HDAC9: variants seen among roughly 807,000 people sequenced by gnomAD.
The protein encoded by HDAC9 is histone deacetylase 9.
Under a neutral mutation model 139.4 loss-of-function variants are expected in HDAC9, and 41 were observed. The ratio of observed to expected loss-of-function variants is 0.29; its 90% confidence interval spans 0.23 to 0.38. The LOEUF (loss-of-function observed/expected upper bound fraction) is 0.38, where lower values mean the gene tolerates loss of function less well. HDAC9 is among the 10% of genes least tolerant of loss of function. The pLI, the probability that HDAC9 is intolerant of heterozygous loss-of-function variation, is 1.00. For missense variants in HDAC9, 1,147 were observed against 1,297.0 expected, an observed-to-expected ratio of 0.88 and a Z score of 1.78; for synonymous variants, 517 against 476.2, an observed-to-expected ratio of 1.09 and a Z score of -1.12.
chr7:18,645,386 G>A (rs1280892926), intron 9 of HDAC9, among the ~76,000 whole-genome samples: 1 of 152,134 alleles, frequency 6.6e-6, no homozygotes, highest in Non-Finnish European at 1.5e-5. Flanking sequence ...GAATCAATTA[G>A]TTTAAAAGTC....
rs951815621 is a variant in HDAC9 at position 18,190,742 on chromosome 7, G to A, written c.25+28393G>A. Reference sequence around the variant, plus strand: ...TTTTCCCAATTTTCACTCTTATTAAGTAAAATTACTCAGCTTTTAAAATCA... The same window carrying A: ...TTTTCCCAATTTTCACTCTTATTAAATAAAATTACTCAGCTTTTAAAATCA... On this transcript the variant is annotated intron_variant, in intron 2 of 12. Transcript: ENST00000417496. Among the ~76,000 whole-genome samples, 8 of 151,992 alleles carry A rather than the reference G, an allele frequency of 5.3e-5. No individual in the cohort carries two copies. In the South Asian group the frequency reaches 1.7e-3, roughly 32 times the overall value.
intron 13 of HDAC9, among the ~76,000 whole-genome samples, chr7:18,735,796 T>C (rs1344961473): frequency 1.3e-5 from 2 of 152,238 alleles, no homozygotes; most frequent in African/African-American, 4.8e-5. Flanking sequence ...TTGATGGGGA[T>C]AGCATTGAAT....
intron 17 of HDAC9, among the ~76,000 whole-genome samples, chr7:18,828,249 A>G (rs1795599906): frequency 6.6e-6 from 1 of 152,214 alleles, no homozygotes; most frequent in African/African-American, 2.4e-5. Context: ...AGGATTGTGT[A>G]TAAAACAGCA....
chr7:18,412,529 T>C (rs1483002158), intron 1 of HDAC9, among the ~76,000 whole-genome samples: 1 of 152,134 alleles, frequency 6.6e-6, no homozygotes, highest in African/African-American at 2.4e-5. Flanking sequence ...TTTAGTGCCA[T>C]AGGAATCCTA....
At chr7:18,688,987 T>C (rs1782477792) in intron 12 of HDAC9, among the ~76,000 whole-genome samples, 1 of 152,044 alleles carries the variant, frequency 6.6e-6, no homozygotes, top group Non-Finnish European at 1.5e-5. Flanking sequence ...AATTATAGTC[T>C]ACTTTAAAAG....
chr7:18,666,615 TCTAC>T lies in HDAC9; in HGVS notation c.1731+143_1731+146del, dbSNP rs1674326107. 3.4e-6 allele frequency: 5 copies of T among 1,470,262 alleles called. No individual in the cohort carries two copies. The Admixed American group carries it at 1.2e-4, about 36-fold the overall frequency. The allele number at this position is 1,470,262 out of a possible 1,614,324, so 91.1% of individuals were successfully genotyped here. A position where few individuals can be genotyped will look rare whatever the true frequency, so the allele number is the denominator to read the frequency against. On this transcript the variant is annotated intron_variant, in intron 12 of 25. Transcript: ENST00000686413. ...TGATTTGAGTTCAGTGTTTAAGGAT[TCTAC>T]CTAATGCAGATATATGTATATATCT...
intron 2 of HDAC9, among the ~76,000 whole-genome samples, chr7:18,204,331 C>T (rs1296691093): frequency 1.5e-5 from 2 of 134,680 alleles, no homozygotes; most frequent in African/African-American, 2.7e-5. Flanking sequence ...TTTGAATCTG[C>T]CTTTTTTTTT....
intron 2 of HDAC9, among the ~76,000 whole-genome samples, chr7:18,181,334 T>A (rs1789412637): frequency 6.6e-6 from 1 of 152,190 alleles, no homozygotes; most frequent in Non-Finnish European, 1.5e-5. Context: ...CCACTGATCA[T>A]GCCTTTAGTA....
intron 2 of HDAC9, among the ~76,000 whole-genome samples, chr7:18,211,789 T>C (rs1289716950): frequency 3.3e-5 from 5 of 151,718 alleles, no homozygotes; most frequent in African/African-American, 1.2e-4. Context: ...GTTGTGAGAG[T>C]AAATAATGTG....
At position 18,185,523 on chromosome 7, in the gene HDAC9, T is replaced by C. The variant is rs897628804; in HGVS notation, c.25+23174T>C. ...ATATTGTCTATTAAGTTATGAAAAC[T>C]AAACTTTTAGTTCTATTTTGAAAAG... is the stretch of plus-strand genomic sequence containing the variant. On this transcript the variant is annotated intron_variant, in intron 2 of 12. Transcript: ENST00000417496. 2.0e-5 allele frequency among the ~76,000 whole-genome samples: 3 copies of C among 152,340 alleles called. No homozygotes were observed. In the East Asian group the frequency reaches 5.8e-4, roughly 29 times the overall value.
rs573674468 is a variant in HDAC9, at chr7:18,125,220, C to T, written c.-96-37009C>T. Among the ~76,000 whole-genome samples, 6 of 152,104 alleles carry T rather than the reference C, an allele frequency of 3.9e-5. No homozygotes were observed. In the East Asian group the frequency reaches 9.7e-4, roughly 25 times the overall value. ...CCCTTTGTCTCAGCCATATCAATTC[C>T]TGCCACCCGGGACACTGCCTAGGAC... On this transcript the variant is annotated intron_variant, in intron 1 of 12. Transcript: ENST00000417496.
chr7:18,304,587 T>C (rs948166442), intron 1 of HDAC9, among the ~76,000 whole-genome samples: 2 of 152,084 alleles, frequency 1.3e-5, no homozygotes, highest in African/African-American at 4.8e-5. Flanking sequence ...ATGTACTGCA[T>C]GAAAGTTGAA....
At chr7:18,356,003 A>G (rs1318766192) in intron 1 of HDAC9, among the ~76,000 whole-genome samples, 1 of 152,196 alleles carries the variant, frequency 6.6e-6, no homozygotes, top group Non-Finnish European at 1.5e-5. Flanking sequence ...TGATCATTGT[A>G]CAATCTGGTT....
At chr7:18,763,265 C>G (rs1789542633) in intron 15 of HDAC9, among the ~76,000 whole-genome samples, 1 of 152,142 alleles carries the variant, frequency 6.6e-6, no homozygotes, top group South Asian at 2.1e-4. Flanking sequence ...GAAGAATTAA[C>G]AGTTACTCAT....
chr7:18,891,906 T>A (rs943352656), intron 22 of HDAC9, among the ~76,000 whole-genome samples: 8 of 152,056 alleles, frequency 5.3e-5, no homozygotes, highest in Non-Finnish European at 1.0e-4. Context: ...TTTGATTAGA[T>A]CCAGCTTATC....
chr7:18,969,403 G>T (rs1784105477), intron 24 of HDAC9, among the ~76,000 whole-genome samples: 2 of 152,130 alleles, frequency 1.3e-5, no homozygotes, highest in South Asian at 4.1e-4. Flanking sequence ...TTTGCTAATT[G>T]TGAGTAACTT....
chr7:18,573,065 C>T (rs1315027916), intron 2 of HDAC9, among the ~76,000 whole-genome samples: 3 of 152,068 alleles, frequency 2.0e-5, no homozygotes, highest in Non-Finnish European at 4.4e-5. Flanking sequence ...TAGTCATTTG[C>T]GGTTATTTTT....
chr7:18,941,100 T>C (rs1318087816), intron 23 of HDAC9, among the ~76,000 whole-genome samples: 1 of 152,124 alleles, frequency 6.6e-6, no homozygotes, highest in Admixed American at 6.6e-5. Flanking sequence ...GCATATAGCA[T>C]GTTTTGATTT....
chr7:18,172,081 T>C (rs188416109), intron 2 of HDAC9, among the ~76,000 whole-genome samples: 2 of 152,228 alleles, frequency 1.3e-5, no homozygotes, highest in Non-Finnish European at 2.9e-5. Flanking sequence ...TTCTGGACTT[T>C]TTTTGGTTGG....
Sources: allele counts gnomAD v4.1 joint callset (sites outside exome capture counted in the v4.1 genomes callset), GRCh38; gene constraint gnomAD v4.1.1; transcripts MANE v1.5; gene names NCBI Gene and HGNC (gene_info 2026-07-23, HGNC 2026-07-21).